SLC25A48: variants seen among roughly 807,000 people sequenced by gnomAD.
The protein encoded by SLC25A48 is solute carrier family 25 member 48.
In SLC25A48, 29 loss-of-function variants were observed where a neutral mutation model predicts 32.2. The ratio of observed to expected loss-of-function variants is 0.90; its 90% CI spans 0.67 to 1.23. The LOEUF (loss-of-function observed/expected upper bound fraction) is 1.23, where lower values mean the gene tolerates loss of function less well. Ranked by LOEUF, SLC25A48 falls within the 50% of genes most tolerant of loss-of-function variation. The pLI is 0.00. For missense variants in SLC25A48, 399 were observed against 422.7 expected (o/e 0.94, Z 0.49); for synonymous variants, 164 against 172.3 (o/e 0.95, Z 0.38).
chr5:135,842,832 C>T (rs552432802), intron 2 of SLC25A48, among the ~76,000 whole-genome samples: 3 of 152,296 alleles, frequency 2.0e-5, no homozygotes, highest in South Asian at 2.1e-4. Context: ...AACTGAGGTG[C>T]GAGATGCTGC....
intron 3 of SLC25A48, among the ~76,000 whole-genome samples, chr5:135,785,311 C>T (rs1339597457): frequency 5.3e-5 from 8 of 151,358 alleles, no homozygotes; most frequent in Admixed American, 5.3e-4. Context: ...CTCCATGGGT[C>T]GTAATCTCCA....
At chr5:135,746,231 G>C (rs564055470) in intron 3 of SLC25A48, 4 of 165,272 alleles carry the variant, frequency 2.4e-5, no homozygotes, top group African/African-American at 9.6e-5. Flanking sequence ...CTCACTTCCT[G>C]TTGAGGCCTT....
intron 3 of SLC25A48, among the ~76,000 whole-genome samples, chr5:135,811,777 G>A (rs918642739): frequency 6.6e-6 from 1 of 152,170 alleles, no homozygotes; most frequent in Non-Finnish European, 1.5e-5. Context: ...GGTAAAATTT[G>A]CCTGTTTAAA....
At chr5:135,611,747 C>T (rs1311779473) in intron 1 of SLC25A48, among the ~76,000 whole-genome samples, 1 of 151,986 alleles carries the variant, frequency 6.6e-6, no homozygotes, top group Non-Finnish European at 1.5e-5. Context: ...CTTGTCTATA[C>T]TAACAACCAA....
At chr5:135,820,884 G>A (rs1188396836) in intron 4 of SLC25A48, among the ~76,000 whole-genome samples, 2 of 152,218 alleles carry the variant, frequency 1.3e-5, no homozygotes, top group African/African-American at 4.8e-5. Flanking sequence ...ACAGAGTAGA[G>A]AGATGTGGTA....
chr5:135,792,004 A>G (rs571783071), intron 3 of SLC25A48, among the ~76,000 whole-genome samples: 1 of 151,968 alleles, frequency 6.6e-6, no homozygotes, highest in East Asian at 1.9e-4. Context: ...CTTTAGGAAG[A>G]TATAACTCCT....
chr5:135,739,311 G>A (rs928088898), intron 3 of SLC25A48, among the ~76,000 whole-genome samples: 3 of 152,062 alleles, frequency 2.0e-5, no homozygotes, highest in Admixed American at 1.3e-4. Context: ...AGAGATAGGG[G>A]TCTCACTTTG....
chr5:135,876,708 A>G (rs6883270), intron 6 of SLC25A48, among the ~76,000 whole-genome samples: 6,695 of 152,294 alleles, frequency 0.044, 306 homozygotes, highest in African/African-American at 0.11. Flanking sequence ...GTATGTACAT[A>G]TCTATGTATG....
intron 3 of SLC25A48, among the ~76,000 whole-genome samples, chr5:135,805,050 A>G (rs1757430215): frequency 6.6e-6 from 1 of 151,550 alleles, no homozygotes; most frequent in African/African-American, 2.4e-5. Context: ...TCCTAGGAAG[A>G]TATTACTCCT....
intron 3 of SLC25A48, among the ~76,000 whole-genome samples, chr5:135,717,305 G>A (rs13186935): frequency 6.6e-6 from 1 of 152,254 alleles, no homozygotes; most frequent in Admixed American, 6.5e-5. Flanking sequence ...GTCAACCCAT[G>A]AGCAGATTGT....
chr5:135,820,976 G>A lies in SLC25A48; in HGVS notation c.-117+8050G>A, dbSNP rs554924085. 5.3e-5 allele frequency among the ~76,000 whole-genome samples: 8 copies of A among 152,330 alleles called. No individual in the cohort carries two copies. The East Asian group carries it at 1.4e-3, about 26-fold the overall frequency. ...TGGGGAAGTGTGAGGTCCTGGAGAT[G>A]TCTCAGCCTCGTGACCATCAATGGC... is the stretch of plus-strand genomic sequence containing the variant. On this transcript the variant is annotated intron_variant, in intron 4 of 10. Coordinates refer to the SLC25A48 transcript ENST00000646290.
intron 4 of SLC25A48, among the ~76,000 whole-genome samples, chr5:135,870,357 A>G (rs1162099062): frequency 6.6e-6 from 1 of 152,204 alleles, no homozygotes; most frequent in Non-Finnish European, 1.5e-5. Context: ...CATGAGTCAA[A>G]GCCTCATAGT....
intron 1 of SLC25A48, among the ~76,000 whole-genome samples, chr5:135,628,621 A>G (rs1228885522): frequency 6.6e-6 from 1 of 152,196 alleles, no homozygotes; most frequent in Non-Finnish European, 1.5e-5. Context: ...GCAGATTTAC[A>G]TCAGTCAATG....
At chr5:135,679,819 G>A (rs1753852122) in intron 3 of SLC25A48, among the ~76,000 whole-genome samples, 1 of 152,144 alleles carries the variant, frequency 6.6e-6, no homozygotes. Context: ...TCAGTATAGT[G>A]CCTTGCTGTA....
At chr5:135,692,284 A>G (rs1160676533) in intron 3 of SLC25A48, among the ~76,000 whole-genome samples, 3 of 144,034 alleles carry the variant, frequency 2.1e-5, no homozygotes, top group Admixed American at 1.5e-4. Context: ...ACACCACTGC[A>G]CTCCAGCCTG....
At chr5:135,801,456 G>A (rs141233629) in intron 3 of SLC25A48, among the ~76,000 whole-genome samples, 2 of 148,712 alleles carry the variant, frequency 1.3e-5, no homozygotes, top group East Asian at 2.0e-4. Flanking sequence ...TCTAGGGGGC[G>A]AGAGGATGAT....
Position 135,671,332 on chromosome 5 carries a change from G to A in SLC25A48, c.-521+36376G>A, listed in dbSNP as rs1225908653. Among the ~76,000 whole-genome samples, 10 of 152,326 alleles carry A rather than the reference G, an allele frequency of 6.6e-5. No homozygotes were observed. In the East Asian group the frequency reaches 1.7e-3, roughly 26 times the overall value. ...TTTCCTTTATGTAGCAGGCTCTCTA[G>A]AAGGCTGGCCATGGTGCCCTTGGCT... On this transcript the variant is annotated intron_variant, in intron 3 of 10. Coordinates refer to the SLC25A48 transcript ENST00000646290.
chr5:135,802,453 C>T (rs1242826718), intron 3 of SLC25A48, among the ~76,000 whole-genome samples: 1 of 151,574 alleles, frequency 6.6e-6, no homozygotes, highest in African/African-American at 2.4e-5. Context: ...AGGTATTACT[C>T]CTACTATCAC....
At position 135,820,674 on chromosome 5, in the gene SLC25A48, G is replaced by A. The variant is rs183553863; in HGVS notation, c.-117+7748G>A. Among the ~76,000 whole-genome samples, 7 of 152,310 alleles carry A rather than the reference G, an allele frequency of 4.6e-5. No homozygotes were observed. The East Asian group carries it at 1.2e-3, about 25-fold the overall frequency. ...TTTGCAATAGCTAAGAATTTAGAAT[G>A]TGTCTATTTTGGTATTTCAAATCAG... On this transcript the variant is annotated intron_variant, in intron 4 of 10. Coordinates refer to the SLC25A48 transcript ENST00000646290.
Sources: allele counts gnomAD v4.1 joint callset (sites outside exome capture counted in the v4.1 genomes callset), GRCh38; gene constraint gnomAD v4.1.1; transcripts MANE v1.5; gene names NCBI Gene and HGNC (gene_info 2026-07-23, HGNC 2026-07-21).